Variants in HMGCS1 observed in about 807,000 individuals in gnomAD.
HMGCS1 encodes 3-hydroxy-3-methylglutaryl-CoA synthase 1.
A neutral mutation model predicts 52.3 loss-of-function variants in HMGCS1; 9 were observed. The observed-to-expected ratio is 0.17, with a 90% confidence interval of 0.10 to 0.30. The LOEUF is 0.30. Among genes scored for constraint, HMGCS1 ranks in the 10% least tolerant of loss-of-function variants. The pLI, the probability that HMGCS1 is intolerant of heterozygous loss-of-function variation, is 1.00. For missense variants in HMGCS1, 320 were observed against 620.9 expected, an observed-to-expected ratio of 0.52 and a Z score of 5.15; for synonymous variants, 176 against 214.4, an observed-to-expected ratio of 0.82 and a Z score of 1.57.
At chr5:43,296,718 G>C (rs1266568548) in intron 5 of HMGCS1, among the ~76,000 whole-genome samples, 1 of 152,114 alleles carries the variant, frequency 6.6e-6, no homozygotes, top group Non-Finnish European at 1.5e-5. Flanking sequence ...CTCAAAAGAT[G>C]AACAAAATTC....
At chr5:43,293,065 C>T in intron 8 of HMGCS1, 92 bp from the exon 9 acceptor site, 2 of 1,053,034 alleles carry the variant, frequency 1.9e-6, no homozygotes, top group Non-Finnish European at 2.8e-6. Context: ...TGAGGCAAAA[C>T]AACTTTTCAT....
At chr5:43,297,593 C>G (rs965975201) in intron 4 of HMGCS1, among the ~76,000 whole-genome samples, 9 of 152,164 alleles carry the variant, frequency 5.9e-5, no homozygotes, top group African/African-American at 2.2e-4. Flanking sequence ...GTAATCCCAG[C>G]ACTTTGGGAG....
intron 2 of HMGCS1, among the ~76,000 whole-genome samples, chr5:43,304,929 G>T (rs1407201092): frequency 1.3e-5 from 2 of 152,032 alleles, no homozygotes; most frequent in Non-Finnish European, 2.9e-5. Context: ...TTAATACAGA[G>T]AAATAATTGC....
intron 2 of HMGCS1, among the ~76,000 whole-genome samples, chr5:43,305,885 G>A (rs1436081603): frequency 7.8e-5 from 2 of 25,724 alleles, no homozygotes; most frequent in East Asian, 3.1e-4. Flanking sequence ...AAAAAATTAC[G>A]TTTTTAATTT....
intron 2 of HMGCS1, among the ~76,000 whole-genome samples, chr5:43,302,168 C>T (rs1754351258): frequency 6.6e-6 from 1 of 152,196 alleles, no homozygotes; most frequent in Non-Finnish European, 1.5e-5. Context: ...GGACTTAACA[C>T]AAGATTCTTA....
At position 43,290,788 on chromosome 5, in the gene HMGCS1, C is replaced by T. The variant is rs1753722009; in HGVS notation, c.*343G>A. 2.7e-5 allele frequency: 5 copies of T among 186,326 alleles called. No homozygotes were observed. The highest frequency in any genetic ancestry group is 5.5e-5 in the Non-Finnish European group (5 of 90,894). 11.5% of individuals were successfully genotyped at this position (186,326 alleles called of 1,614,324 possible). ...AAAATTTTTTAATTGGAGATTAGTACCTCTGCTTTCTTCTGACAGAAGTAC... is the reference window on the plus strand; with the variant it reads ...AAAATTTTTTAATTGGAGATTAGTATCTCTGCTTTCTTCTGACAGAAGTAC... On this transcript the variant is annotated 3_prime_UTR_variant, in exon 11 of 11. Coordinates refer to ENST00000325110, the MANE Select transcript of HMGCS1 (RefSeq NM_001098272.3).
At chr5:43,306,174 T>C (rs543504128) in intron 2 of HMGCS1, among the ~76,000 whole-genome samples, 27 of 152,338 alleles carry the variant, frequency 1.8e-4, no homozygotes, top group African/African-American at 6.0e-4. Context: ...CATATGCTAT[T>C]TCCAGAATCA....
In HMGCS1 at chr5:43,289,792, ATATT is replaced by A. The variant is rs1390164094; in HGVS notation, c.*1335_*1338del. 6.6e-6 allele frequency: 1 copy of A among 152,608 alleles called. No individual in the cohort carries two copies. The highest frequency in any genetic ancestry group is 1.5e-5 in the Non-Finnish European group (1 of 68,034). The allele number at this position is 152,608 out of a possible 1,614,324, so 9.5% of individuals were successfully genotyped here. A position where few individuals can be genotyped will look rare whatever the true frequency, so the allele number is the denominator to read the frequency against. On this transcript the variant is annotated 3_prime_UTR_variant, in exon 11 of 11. Transcript: ENST00000325110. ...GAAACATTATATTTCATATTTGTGT[ATATT>A]TATTTTAGATAACTGAAACTTCACA... is the stretch of plus-strand genomic sequence containing the variant.
In HMGCS1 at chr5:43,290,519, C is replaced by A. The variant is rs1407918013; in HGVS notation, c.*612G>T. On this transcript the variant is annotated 3_prime_UTR_variant, in exon 11 of 11. Transcript: ENST00000325110. The stretch of plus-strand genomic sequence containing the variant: ...TGGCCTGGACTTAACATTCCAGATT[C>A]CAGAGCCAGTGTTTTATTGTCCCAG... 6.6e-6 allele frequency: 1 copy of A among 152,242 alleles called. No individual in the cohort carries two copies. Among genetic ancestry groups the A allele is most frequent in the Non-Finnish European group, 1.5e-5 (1 of 68,062 alleles). 9.4% of individuals were successfully genotyped at this position (152,242 alleles called of 1,614,324 possible).
intron 8 of HMGCS1, 126 bp downstream of exon 8, chr5:43,293,930 G>A (rs1753904427): frequency 1.6e-6 from 1 of 628,004 alleles, no homozygotes; most frequent in Non-Finnish European, 2.9e-6. Context: ...AGCCAGACTG[G>A]TCTCGAACTC....
intron 7 of HMGCS1, 125 bp from the exon 8 acceptor site, chr5:43,294,287 A>C (rs1031390546): frequency 4.6e-5 from 30 of 647,894 alleles, no homozygotes; most frequent in Non-Finnish European, 8.0e-5. Flanking sequence ...TAAAGTTTTA[A>C]GGATCTAACT....
intron 4 of HMGCS1, among the ~76,000 whole-genome samples, chr5:43,297,495 C>A (rs1430649520): frequency 6.6e-6 from 1 of 152,170 alleles, no homozygotes; most frequent in Non-Finnish European, 1.5e-5. Context: ...TACATTAACC[C>A]ACTTCTCTGT....
At chr5:43,313,276 G>A (rs1484959970) in intron 1 of HMGCS1, 80 bp downstream of exon 1, 1 of 152,804 alleles carries the variant, frequency 6.5e-6, no homozygotes, top group Non-Finnish European at 1.5e-5. Context: ...GCCTAGTCAA[G>A]GACACCGCCT....
chr5:43,298,711 A>G lies in HMGCS1; in HGVS notation c.255T>C (p.Asp85=), dbSNP rs1310624294. 3.1e-6 allele frequency: 5 copies of G among 1,614,232 alleles called. No individual in the cohort carries two copies. The highest frequency in any genetic ancestry group is 4.2e-6 in the Non-Finnish European group (5 of 1,180,042). The change falls in exon 3 of 11, where the codon GAT becomes GAC. Residue 85 remains aspartate, a synonymous_variant. Coordinates refer to ENST00000325110, the MANE Select transcript of HMGCS1 (RefSeq NM_001098272.3). This position sits in a 1 kb window ranked among gnomAD's most constrained non-coding sequence, Gnocchi z 5.6. The part of the protein sequence containing the change: ...NLMERNNLSY[D]CIGRLEVGTE... ...TTCCAACTTCCAGCCGCCCAATGCA[A>G]TCATAGGAAAGGTTATTTCTCTCCA...
rs1431663898 is a variant in HMGCS1 at position 43,288,364 on chromosome 5, A to C, written c.*2767T>G. ...GCTAGAAATTTTAAAGAAAGGGTTC[A>C]CTTTTATGTCAAGATCAGACAACTT... is the stretch of plus-strand genomic sequence containing the variant. On this transcript the variant is annotated 3_prime_UTR_variant, in exon 11 of 11. Coordinates refer to ENST00000325110, the MANE Select transcript of HMGCS1 (RefSeq NM_001098272.3). The C allele has an allele frequency of 6.6e-6, 1 of 152,196 alleles. No homozygotes were observed. The highest frequency in any genetic ancestry group is 1.5e-5 in the Non-Finnish European group (1 of 68,030). The allele number at this position is 152,196 out of a possible 1,614,324, so 9.4% of individuals were successfully genotyped here.
At chr5:43,292,407 T>C (rs769361663) in intron 10 of HMGCS1, 67 bp downstream of exon 10, 244 of 1,284,230 alleles carry the variant, frequency 1.9e-4, no homozygotes, top group Non-Finnish European at 2.5e-4. Context: ...GACATTTATT[T>C]ATGTTGCTAA....
chr5:43,299,162 T>A (rs902137156), intron 2 of HMGCS1, among the ~76,000 whole-genome samples, 187 bp from the exon 3 acceptor site: 2 of 152,210 alleles, frequency 1.3e-5, no homozygotes, highest in Non-Finnish European at 2.9e-5. Context: ...TGGAATATTA[T>A]CATTTAAAAT....
rs1753575309 is a variant in HMGCS1 at position 43,288,057 on chromosome 5, G to A, written c.*3074C>T. 6.6e-6 allele frequency: 1 copy of A among 152,180 alleles called. No homozygotes were observed. Among genetic ancestry groups the A allele is most frequent in the South Asian group, 2.1e-4 (1 of 4,826 alleles). The allele number at this position is 152,180 out of a possible 1,614,324, so 9.4% of individuals were successfully genotyped here. A position where few individuals can be genotyped will look rare whatever the true frequency, so the allele number is the denominator to read the frequency against. On this transcript the variant is annotated 3_prime_UTR_variant, in exon 11 of 11. Transcript: ENST00000325110. ...GTATGGTACTGAGTTGAAGCAGGAAGAGATCAGATCCCACAGGAGTCTGCA... is the reference window on the plus strand; with the variant it reads ...GTATGGTACTGAGTTGAAGCAGGAAAAGATCAGATCCCACAGGAGTCTGCA...
chr5:43,299,404 C>T (rs1754194991), intron 2 of HMGCS1, among the ~76,000 whole-genome samples: 1 of 151,362 alleles, frequency 6.6e-6, no homozygotes, highest in Non-Finnish European at 1.5e-5. Context: ...AATCTCAGCA[C>T]TTTGGGAGGC....
Sources: gnomAD v4.1 joint callset for allele counts (sites outside exome capture counted in the v4.1 genomes callset) on GRCh38, gnomAD v4.1.1 for gene constraint, Gnocchi (gnomAD v3.1) non-coding constraint, MANE v1.5 for transcripts, NCBI Gene and HGNC (gene_info 2026-07-23, HGNC 2026-07-21) for gene names.